Variants in ACACA observed in about 807,000 individuals in gnomAD.
ACACA encodes acetyl-CoA carboxylase alpha, also known as acetyl-CoA carboxylase 1.
ACACA carries 103 observed loss-of-function variants against 296.1 expected under a neutral mutation model. That is an observed-to-expected ratio of 0.35 (90% CI 0.30 to 0.41). The LOEUF (loss-of-function observed/expected upper bound fraction) is 0.41. Ranked by LOEUF, ACACA falls within the 10% of genes least tolerant of loss-of-function variation. The pLI, the probability that ACACA is intolerant of heterozygous loss-of-function variation, is 1.00. For missense variants in ACACA, 1,554 were observed against 2,989.7 expected (o/e 0.52, Z 11.20); for synonymous variants, 953 against 1,038.6 (o/e 0.92, Z 1.58).
intron 10 of ACACA, among the ~76,000 whole-genome samples, chr17:37,266,667 G>A (rs1466370297): frequency 1.3e-5 from 2 of 152,072 alleles, no homozygotes; most frequent in African/African-American, 4.8e-5. Flanking sequence ...AACAAGTTCT[G>A]GGTCCTTTAC....
At chr17:37,254,389 T>C (rs1348600093) in intron 14 of ACACA, among the ~76,000 whole-genome samples, 1 of 152,182 alleles carries the variant, frequency 6.6e-6, no homozygotes, top group Non-Finnish European at 1.5e-5. Flanking sequence ...TGTCCTCCTT[T>C]CTGTGTCCTC....
intron 26 of ACACA, among the ~76,000 whole-genome samples, chr17:37,226,110 A>AT (rs2079532381): frequency 6.6e-6 from 1 of 152,152 alleles, no homozygotes; most frequent in Admixed American, 6.5e-5. Flanking sequence ...TGATACCAGG[A>AT]TTTTTTAATG....
chr17:37,147,633 A>T (rs2075869478), intron 45 of ACACA, among the ~76,000 whole-genome samples: 1 of 152,214 alleles, frequency 6.6e-6, no homozygotes, highest in Admixed American at 6.5e-5. Flanking sequence ...ACAGCTCTAT[A>T]CTTAAGAGGA....
chr17:37,345,388 G>A (rs2048572404), intron 1 of ACACA: 1 of 152,170 alleles, frequency 6.6e-6, no homozygotes, highest in African/African-American at 2.4e-5. Context: ...ACCAGCTCAA[G>A]GAGAGAAAAA....
intron 3 of ACACA, among the ~76,000 whole-genome samples, chr17:37,287,277 TG>T (rs1365045567): frequency 6.6e-6 from 1 of 152,192 alleles, no homozygotes; most frequent in African/African-American, 2.4e-5. Flanking sequence ...TAGCTTTCTG[TG>T]CACATATAGT....
chr17:37,181,884 A>G (rs1263199890), intron 39 of ACACA, among the ~76,000 whole-genome samples: 1 of 131,978 alleles, frequency 7.6e-6, no homozygotes, highest in Non-Finnish European at 1.6e-5. Flanking sequence ...TGGGCAACAG[A>G]GCAAGACTCT....
rs372702647 is a variant in ACACA at position 37,252,985 on chromosome 17, A to T, written c.1878T>A (p.Thr626=). 624 of 1,614,236 alleles carry T rather than the reference A, an allele frequency of 3.9e-4. 1 individual carries two copies. Among genetic ancestry groups the T allele is most frequent in the Non-Finnish European group, 4.6e-4 (539 of 1,180,042 alleles). The change falls in exon 15 of 56, where the codon ACT becomes ACA. Residue 626 remains threonine, a synonymous_variant. Coordinates refer to ENST00000616317, the MANE Select transcript of ACACA (RefSeq NM_198834.3). ...KELSIRGDFR[T]TVEYLIKLLE... ...ACAATTTGATCAGGTATTCAACTGT[A>T]GTTCGAAAGTCACCCCGAATAGACA...
intron 3 of ACACA, among the ~76,000 whole-genome samples, chr17:37,300,724 T>G (rs1032524449): frequency 3.3e-5 from 5 of 152,172 alleles, no homozygotes; most frequent in Admixed American, 1.3e-4. Flanking sequence ...TTGCCCAAAT[T>G]TGAAAGCAAC....
At chr17:37,362,023 G>C (rs2049421926) in intron 1 of ACACA, among the ~76,000 whole-genome samples, 1 of 152,136 alleles carries the variant, frequency 6.6e-6, no homozygotes, top group South Asian at 2.1e-4. Context: ...AGGTCATAAG[G>C]GTGGGCCCTA....
intron 1 of ACACA, among the ~76,000 whole-genome samples, chr17:37,356,092 T>G (rs1288739766): frequency 2.0e-5 from 3 of 150,586 alleles, no homozygotes; most frequent in Non-Finnish European, 4.4e-5. Context: ...TGCTAGAACC[T>G]GAGAGGTGGA....
At chr17:37,167,440 T>C (rs1350493478) in intron 41 of ACACA, among the ~76,000 whole-genome samples, 3 of 151,352 alleles carry the variant, frequency 2.0e-5, no homozygotes, top group African/African-American at 7.3e-5. Flanking sequence ...TGCCTCAGCC[T>C]CCCAAGTAAC....
chr17:37,243,578 T>C lies in ACACA; in HGVS notation c.2743-19A>G, dbSNP rs918177226. The C allele has an allele frequency of 8.1e-6, 13 of 1,611,716 alleles. No individual in the cohort carries two copies. In the African/African-American group the frequency reaches 1.5e-4, roughly 18 times the overall value. On this transcript the variant is annotated intron_variant, in intron 21 of 55. Transcript: ENST00000616317. The stretch of plus-strand genomic sequence containing the variant: ...CTTTTACCTAGAAAGAAAGCATTGG[T>C]AAAATAGGACCCAAGTTAACACAAT...
intron 45 of ACACA, among the ~76,000 whole-genome samples, chr17:37,137,874 G>A (rs917282863): frequency 2.6e-5 from 4 of 152,140 alleles, no homozygotes; most frequent in African/African-American, 9.7e-5. Context: ...TTACCAATGG[G>A]TCAGGTAGAA....
chr17:37,352,106 G>T (rs932961449), intron 1 of ACACA, among the ~76,000 whole-genome samples: 4 of 151,526 alleles, frequency 2.6e-5, no homozygotes, highest in Admixed American at 6.6e-5. Context: ...TTTTAGTAGA[G>T]ACAAGGCTTC....
intron 43 of ACACA, among the ~76,000 whole-genome samples, chr17:37,151,951 C>T (rs747519256): frequency 2.4e-4 from 37 of 152,174 alleles, no homozygotes; most frequent in Non-Finnish European, 4.1e-4. Context: ...TGAGCCACCG[C>T]GCCCGGCCTA....
At chr17:37,301,651 A>T (rs2083622620) in intron 3 of ACACA, among the ~76,000 whole-genome samples, 1 of 152,216 alleles carries the variant, frequency 6.6e-6, no homozygotes, top group African/African-American at 2.4e-5. Flanking sequence ...CTAAATTCTG[A>T]TCCATTGACC....
Position 37,259,465 on chromosome 17 carries a change from G to A in ACACA, c.1395C>T (p.Ser465=). 1.2e-6 allele frequency: 2 copies of A among 1,614,124 alleles called. No homozygotes were observed. Among genetic ancestry groups the A allele is most frequent in the Non-Finnish European group, 1.7e-6 (2 of 1,180,010 alleles). The change falls in exon 12 of 56, where the codon AGC becomes AGT. Residue 465 remains serine (S), a synonymous_variant. Coordinates refer to ENST00000616317, the MANE Select transcript of ACACA (RefSeq NM_198834.3). ...CCAGAAAGTAGAAGCTGCCATCCTG[G>A]CTGTACAGGTATTCCACAGTCCCAG... The part of the protein sequence containing the change: ...VSAGTVEYLY[S]QDGSFYFLEL...
intron 29 of ACACA, among the ~76,000 whole-genome samples, chr17:37,214,777 G>T (rs759291963): frequency 6.6e-6 from 1 of 152,198 alleles, no homozygotes; most frequent in Non-Finnish European, 1.5e-5. Flanking sequence ...AGACTACCCT[G>T]AATGAAGGAA....
chr17:37,123,535 A>T (rs1597886226), intron 48 of ACACA, among the ~76,000 whole-genome samples: 1 of 152,098 alleles, frequency 6.6e-6, no homozygotes, highest in Non-Finnish European at 1.5e-5. Context: ...TGGGGCTGGG[A>T]TGGGTTATAG....
Sources: gnomAD v4.1 joint callset for allele counts (sites outside exome capture counted in the v4.1 genomes callset) on GRCh38, gnomAD v4.1.1 for gene constraint, MANE v1.5 for transcripts, NCBI Gene and HGNC (gene_info 2026-07-23, HGNC 2026-07-21) for gene names.